CHN2: variants seen among roughly 807,000 people sequenced by gnomAD.
CHN2 encodes the protein beta-chimaerin.
CHN2 carries 35 observed loss-of-function variants against 56.3 expected under a neutral mutation model. That is an observed-to-expected ratio of 0.62 (90% CI 0.47 to 0.82). The LOEUF is 0.82. Ranked by LOEUF, CHN2 falls within the 40% of genes least tolerant of loss-of-function variation. CHN2 has a pLI of 0.00. For synonymous variants in CHN2, 210 were observed against 212.8 expected, an observed-to-expected ratio of 0.99 and a Z score of 0.12; for missense variants, 491 against 580.5, an observed-to-expected ratio of 0.85 and a Z score of 1.58.
At chr7:29,175,473 G>A (rs148774697) in intron 2 of CHN2, among the ~76,000 whole-genome samples, 161 of 152,202 alleles carry the variant, frequency 1.1e-3, no homozygotes, top group Non-Finnish European at 1.9e-3. Context: ...ACCATGCCTG[G>A]CTGAGAGCTG....
At chr7:29,336,656 A>G (rs969322932) in intron 1 of CHN2, among the ~76,000 whole-genome samples, 1 of 149,256 alleles carries the variant, frequency 6.7e-6, no homozygotes, top group Admixed American at 6.8e-5. Context: ...GCTACTCCAG[A>G]GTCTGAGGCA....
chr7:29,424,843 C>T (rs1394494022), intron 6 of CHN2, among the ~76,000 whole-genome samples: 1 of 152,176 alleles, frequency 6.6e-6, no homozygotes, highest in Non-Finnish European at 1.5e-5. Flanking sequence ...AGCCACCCTC[C>T]CTCACCTCCT....
At position 29,509,309 on chromosome 7, in the gene CHN2, A is replaced by G; in HGVS notation, c.1138A>G (p.Asn380Asp). 6.2e-7 allele frequency: 1 copy of G among 1,613,462 alleles called. No homozygotes were observed. Among genetic ancestry groups the G allele is most frequent in the South Asian group, 1.1e-5 (1 of 91,064 alleles). The change falls in exon 12 of 13, where the codon AAT becomes GAT. Residue 380 changes from asparagine (N) to aspartate (D), a missense_variant. Physicochemically the swap from Asn to Asp is conservative, Grantham distance 23. Transcript: ENST00000222792. The part of the protein sequence containing the change: ...SKFIDAAKIS[N>D]ADERLEAVHE... ...ATGCGTGAACTTCACAGAAATCTCC[A>G]ATGCAGATGAGAGGCTGGAAGCCGT...
chr7:29,504,701 G>A (rs1393931719), intron 9 of CHN2, 43 bp from the exon 10 acceptor site: 2 of 1,120,936 alleles, frequency 1.8e-6, no homozygotes, highest in Non-Finnish European at 2.6e-6. Flanking sequence ...TTTTTTAGAT[G>A]TTTCAAGAAG....
At chr7:29,506,174 A>G (rs1198070172) in intron 10 of CHN2, among the ~76,000 whole-genome samples, 2 of 152,206 alleles carry the variant, frequency 1.3e-5, no homozygotes, top group Non-Finnish European at 2.9e-5. Flanking sequence ...TAAGAAATAT[A>G]GGCCAGGCAC....
intron 3 of CHN2, among the ~76,000 whole-genome samples, chr7:29,387,637 G>A (rs917545170): frequency 1.3e-5 from 2 of 152,206 alleles, no homozygotes; most frequent in African/African-American, 4.8e-5. Flanking sequence ...ATCACACTCT[G>A]AGTAGCAGGG....
intron 6 of CHN2, among the ~76,000 whole-genome samples, chr7:29,472,446 G>A (rs768833505): frequency 1.3e-5 from 2 of 152,160 alleles, no homozygotes; most frequent in Admixed American, 6.5e-5. Flanking sequence ...CTGTACGAAT[G>A]GCTGCAGCAT....
At chr7:29,260,920 A>G (rs1395768813) in intron 1 of CHN2, among the ~76,000 whole-genome samples, 1 of 152,184 alleles carries the variant, frequency 6.6e-6, no homozygotes, top group Non-Finnish European at 1.5e-5. Context: ...ATAATCCCCA[A>G]TTCATAAGCC....
At chr7:29,257,997 T>C (rs995903166) in intron 1 of CHN2, among the ~76,000 whole-genome samples, 1 of 152,072 alleles carries the variant, frequency 6.6e-6, no homozygotes, top group African/African-American at 2.4e-5. Flanking sequence ...TTGCCCAGGT[T>C]AGTCTCAAAC....
intron 1 of CHN2, among the ~76,000 whole-genome samples, chr7:29,287,910 C>A (rs2023908): frequency 0.74 from 113,044 of 152,022 alleles, 42,337 homozygotes; most frequent in Non-Finnish European, 0.78. Context: ...CATTTGTTTG[C>A]AATTTGGTCT....
chr7:29,215,526 C>G (rs1785270842), intron 1 of CHN2, among the ~76,000 whole-genome samples: 1 of 152,110 alleles, frequency 6.6e-6, no homozygotes, highest in South Asian at 2.1e-4. Context: ...AGCACACTCA[C>G]CTAAGTCTGT....
chr7:29,376,123 A>G (rs904171185), intron 3 of CHN2, among the ~76,000 whole-genome samples: 1 of 152,182 alleles, frequency 6.6e-6, no homozygotes, highest in Non-Finnish European at 1.5e-5. Context: ...ATTGGAAAAA[A>G]TGTGGATGAT....
At chr7:29,466,218 G>A (rs1175263122) in intron 6 of CHN2, among the ~76,000 whole-genome samples, 1 of 138,254 alleles carries the variant, frequency 7.2e-6, no homozygotes, top group East Asian at 2.1e-4. Context: ...GAGAAAGAGA[G>A]AGAGGAAGAG....
intron 8 of CHN2, among the ~76,000 whole-genome samples, chr7:29,497,154 G>A (rs536979291): frequency 1.3e-5 from 2 of 152,254 alleles, no homozygotes; most frequent in South Asian, 4.2e-4. Context: ...ATGTTTAAGG[G>A]GTGGTCAACA....
chr7:29,197,197 C>T (rs963101901), intron 1 of CHN2, among the ~76,000 whole-genome samples: 1 of 152,136 alleles, frequency 6.6e-6, no homozygotes, highest in Non-Finnish European at 1.5e-5. Flanking sequence ...TAGGGCACTC[C>T]GTCAATGTAT....
chr7:29,474,373 C>A (rs751443364), intron 6 of CHN2, among the ~76,000 whole-genome samples: 14 of 152,172 alleles, frequency 9.2e-5, no homozygotes, highest in Non-Finnish European at 1.8e-4. Flanking sequence ...CTATCTAGAT[C>A]TTAGTCTGAA....
chr7:29,345,908 A>C (rs1470749741), intron 1 of CHN2, among the ~76,000 whole-genome samples: 1 of 152,094 alleles, frequency 6.6e-6, no homozygotes, highest in Non-Finnish European at 1.5e-5. Flanking sequence ...GTCCAGCAGT[A>C]ATTCCTGGAA....
intron 1 of CHN2, among the ~76,000 whole-genome samples, chr7:29,297,314 C>T (rs1441041831): frequency 6.6e-6 from 1 of 152,172 alleles, no homozygotes; most frequent in Non-Finnish European, 1.5e-5. Context: ...TTACACCTGG[C>T]TGTCTCATTC....
chr7:29,300,296 A>G lies in CHN2; in HGVS notation c.50-54329A>G, dbSNP rs566775694. ...GTTGAAGCCTTCAGGGCATTTCAGAAAAAATAGGAGGTGAGGGTGAGGCAA... is the reference window on the plus strand; with the variant it reads ...GTTGAAGCCTTCAGGGCATTTCAGAGAAAATAGGAGGTGAGGGTGAGGCAA... On this transcript the variant is annotated intron_variant, in intron 1 of 12. Transcript: ENST00000222792. Among the ~76,000 whole-genome samples the G allele has an allele frequency of 1.2e-3, 181 of 152,300 alleles. 1 individual carries two copies. The highest frequency in any genetic ancestry group is 4.2e-3 in the African/African-American group (176 of 41,562).
Sources: allele counts gnomAD v4.1 joint callset (sites outside exome capture counted in the v4.1 genomes callset), GRCh38; gene constraint gnomAD v4.1.1; transcripts MANE v1.5; gene names NCBI Gene and HGNC (gene_info 2026-07-23, HGNC 2026-07-21).